Variants in TMPRSS6 observed in about 807,000 individuals in gnomAD.
TMPRSS6 encodes the protein transmembrane serine protease 6, also known as transmembrane protease serine 6.
Under a neutral mutation model 101.5 loss-of-function variants are expected in TMPRSS6, and 67 were observed. That is an observed-to-expected ratio of 0.66 (90% CI 0.54 to 0.81). The LOEUF is 0.81. TMPRSS6 is among the 30% of genes least tolerant of loss of function. TMPRSS6 has a pLI of 0.00. For synonymous variants in TMPRSS6, 453 were observed against 464.9 expected, an observed-to-expected ratio of 0.97 and a Z score of 0.33; for missense variants, 1,034 against 1,088.7, an observed-to-expected ratio of 0.95 and a Z score of 0.71.
chr22:37,084,621 G>A, intron 9 of TMPRSS6, 106 bp downstream of exon 9: 1 of 1,032,568 alleles, frequency 9.7e-7, no homozygotes, highest in Non-Finnish European at 1.5e-6. Flanking sequence ...TCAGCCTGTG[G>A]GCGCTTCAGC....
chr22:37,097,096 C>CTA (rs982923522), intron 3 of TMPRSS6, among the ~76,000 whole-genome samples: 7 of 97,906 alleles, frequency 7.1e-5, no homozygotes, highest in East Asian at 2.8e-4. Flanking sequence ...GCATCTCCAA[C>CTA]TACAGCGCTG....
intron 1 of TMPRSS6, among the ~76,000 whole-genome samples, chr22:37,105,987 T>A (rs1930690018): frequency 6.6e-6 from 1 of 152,104 alleles, no homozygotes; most frequent in Non-Finnish European, 1.5e-5. Context: ...AAGGAGCTAT[T>A]TTGGGATGAG....
intron 10 of TMPRSS6, among the ~76,000 whole-genome samples, chr22:37,075,613 G>A (rs2146067775): frequency 6.6e-6 from 1 of 152,284 alleles, no homozygotes; most frequent in Middle Eastern, 3.4e-3. Flanking sequence ...TATAAAACAA[G>A]AAAAATTGGC....
At chr22:37,075,984 A>G (rs1254388569) in intron 10 of TMPRSS6, among the ~76,000 whole-genome samples, 2 of 149,942 alleles carry the variant, frequency 1.3e-5, no homozygotes, top group Non-Finnish European at 2.9e-5. Context: ...AAAGAAAGAA[A>G]GAAAGAGAAA....
intron 15 of TMPRSS6, among the ~76,000 whole-genome samples, chr22:37,070,083 C>T (rs566084664): frequency 1.3e-5 from 2 of 152,200 alleles, no homozygotes; most frequent in South Asian, 2.1e-4. Flanking sequence ...CCTGGGGGCT[C>T]CCCAGCCCCA....
chr22:37,103,826 A>C lies in TMPRSS6; in HGVS notation c.-1-408T>G, dbSNP rs1601578842. On this transcript the variant is annotated intron_variant, in intron 1 of 17. Transcript: ENST00000676104. The surrounding 1 kb of genome is among the most constrained non-coding windows in gnomAD (Gnocchi z 4.4). ...GCCCTCATTTCCCGTCCACGCAAGG[A>C]ATGCTGTTTCTTGCTCCTGGTTCTG... is the stretch of plus-strand genomic sequence containing the variant. Among the ~76,000 whole-genome samples, 2 of 152,238 alleles carry C rather than the reference A, an allele frequency of 1.3e-5. No homozygotes were observed. The highest frequency in any genetic ancestry group is 4.8e-5 in the African/African-American group (2 of 41,542).
At chr22:37,108,909 T>A (rs1601584201) in intron 1 of TMPRSS6, among the ~76,000 whole-genome samples, 2 of 152,136 alleles carry the variant, frequency 1.3e-5, no homozygotes, top group East Asian at 3.9e-4. Flanking sequence ...CTTCCACACA[T>A]ATAAACACAC....
At position 37,068,300 on chromosome 22, in the gene TMPRSS6, G is replaced by A. The variant is rs182382971; in HGVS notation, c.2113+773C>T. On this transcript the variant is annotated intron_variant, in intron 16 of 17. Transcript: ENST00000676104. Reference sequence around the variant, plus strand: ...TGCCATGACCACTGCCATCCCCTTGGGTAAGTCACTGTTCCTCTGAGCCTC... The same window carrying A: ...TGCCATGACCACTGCCATCCCCTTGAGTAAGTCACTGTTCCTCTGAGCCTC... 3.3e-5 allele frequency among the ~76,000 whole-genome samples: 5 copies of A among 152,324 alleles called. No homozygotes were observed. The East Asian group carries it at 7.7e-4, about 23-fold the overall frequency.
chr22:37,068,923 G>C (rs1294276558), intron 16 of TMPRSS6, 150 bp downstream of exon 16: 10 of 1,372,458 alleles, frequency 7.3e-6, no homozygotes, highest in Non-Finnish European at 9.7e-6. Context: ...GTTTTCTACC[G>C]TAAAATTCAG....
chr22:37,096,657 T>C lies in TMPRSS6; in HGVS notation c.395A>G (p.Tyr132Cys), dbSNP rs1430692214. 3.2e-6 allele frequency: 5 copies of C among 1,563,618 alleles called. No homozygotes were observed. Among genetic ancestry groups the C allele is most frequent in the South Asian group, 2.4e-5 (2 of 84,658 alleles). The change falls in exon 4 of 18, where the codon TAT (tyrosine) becomes TGT (cysteine). Residue 132 changes from tyrosine (Y) to cysteine (C), a missense_variant. Physicochemically the swap from Tyr to Cys is radical, Grantham distance 194 (BLOSUM62 -2). Transcript: ENST00000676104. ...LGTYYNSSSV[Y>C]SFGEGPLTCF... ...GGCAAGGACAACTCACCCAAAGGAA[T>C]AGACGGAGCTGGAGTTGTAGTAAGT... is the stretch of plus-strand genomic sequence containing the variant.
chr22:37,078,708 AGGAGGAGGCG>A (rs368613604), intron 10 of TMPRSS6, among the ~76,000 whole-genome samples: 76,714 of 140,458 alleles, frequency 0.55, 20,128 homozygotes, highest in African/African-American at 0.57. Flanking sequence ...AGGAAGAGGA[AGGAGGAGGCG>A]GAGGAGAAGA....
intron 13 of TMPRSS6, 29 bp from the exon 14 acceptor site, chr22:37,071,061 CAGA>C: frequency 2.5e-6 from 4 of 1,603,850 alleles, no homozygotes; most frequent in East Asian, 2.2e-5. Context: ...GGGCAGGGCA[CAGA>C]AGGTGGGTCT....
chr22:37,069,001 T>A lies in TMPRSS6; in HGVS notation c.2113+72A>T. 6.6e-7 allele frequency: 1 copy of A among 1,521,428 alleles called. No individual in the cohort carries two copies. Among genetic ancestry groups the A allele is most frequent in the South Asian group, 1.2e-5 (1 of 81,978 alleles). 94.2% of individuals were successfully genotyped at this position (1,521,428 alleles called of 1,614,324 possible). ...CCCGGGACCCCCAGCCCCGCCCTTC[T>A]CCAGGCCAGGTGTTACGGCGCAGAT... On this transcript the variant is annotated intron_variant, in intron 16 of 17. Transcript: ENST00000676104. The surrounding 1 kb of genome is among the most constrained non-coding windows in gnomAD (Gnocchi z 4.8).
chr22:37,069,442 C>A lies in TMPRSS6; in HGVS notation c.1842-98G>T. The A allele has an allele frequency of 8.4e-7, 1 of 1,188,654 alleles. No individual in the cohort carries two copies. The highest frequency in any genetic ancestry group is 1.5e-5 in the South Asian group (1 of 68,464). 73.6% of individuals were successfully genotyped at this position (1,188,654 alleles called of 1,614,324 possible). On this transcript the variant is annotated intron_variant, in intron 15 of 17. Coordinates refer to ENST00000676104, the MANE Select transcript of TMPRSS6 (RefSeq NM_001374504.1). This position sits in a 1 kb window ranked among gnomAD's most constrained non-coding sequence, Gnocchi z 4.8. ...CCCTCAAGATAGCCAGATCCCCGCC[C>A]GGGACAGTGCCCTCCACACCCAGCC...
chr22:37,074,102 C>A (rs1226954697), intron 12 of TMPRSS6, among the ~76,000 whole-genome samples: 1 of 152,212 alleles, frequency 6.6e-6, no homozygotes, highest in African/African-American at 2.4e-5. Context: ...TGAGATACCC[C>A]ATTTCACTGG....
chr22:37,076,040 A>C (rs188381500), intron 10 of TMPRSS6, among the ~76,000 whole-genome samples: 1 of 150,106 alleles, frequency 6.7e-6, no homozygotes, highest in Non-Finnish European at 1.5e-5. Context: ...GAAAGAAAGA[A>C]AGGGAGAGAG....
At chr22:37,070,884 C>T in intron 14 of TMPRSS6, 32 bp downstream of exon 14, 1 of 1,604,774 alleles carries the variant, frequency 6.2e-7, no homozygotes. Context: ...CCCTCCCAAG[C>T]TCCAGGGCCC....
rs545898234 is a variant in TMPRSS6, at chr22:37,069,862, C to A, written c.1842-518G>T. 2.1e-4 allele frequency among the ~76,000 whole-genome samples: 32 copies of A among 152,322 alleles called. No individual in the cohort carries two copies. Among genetic ancestry groups the A allele is most frequent in the Admixed American group, 1.8e-3 (28 of 15,308 alleles). On this transcript the variant is annotated intron_variant, in intron 15 of 17. Transcript: ENST00000676104. The surrounding 1 kb of genome is among the most constrained non-coding windows in gnomAD (Gnocchi z 4.8). ...GATGGGCAGCCTTCGGGTCTCTACC[C>A]TCTACCTGAGGGCAGTGGGGAGCCT...
At chr22:37,076,666 G>A (rs924366935) in intron 10 of TMPRSS6, among the ~76,000 whole-genome samples, 1 of 152,204 alleles carries the variant, frequency 6.6e-6, no homozygotes, top group Non-Finnish European at 1.5e-5. Context: ...CAGGACAGTG[G>A]GACCCTCCCT....
Sources: allele counts gnomAD v4.1 joint callset (sites outside exome capture counted in the v4.1 genomes callset), GRCh38; gene constraint gnomAD v4.1.1; non-coding constraint Gnocchi (gnomAD v3.1); transcripts MANE v1.5; gene names NCBI Gene and HGNC (gene_info 2026-07-23, HGNC 2026-07-21).